Variants in CCDC22 observed in about 807,000 individuals in gnomAD.
CCDC22 encodes CCC complex scaffolding subunit CCDC22.
CCDC22 carries 4 observed loss-of-function variants against 53.1 expected under a neutral mutation model. The ratio of observed to expected loss-of-function variants is 0.08; its 90% confidence interval spans 0.04 to 0.17. The LOEUF (loss-of-function observed/expected upper bound fraction) is 0.17. CCDC22 is among the 10% of genes least tolerant of loss of function. The probability of loss-of-function intolerance (pLI) is 1.00; values close to 1 mark genes in which losing one functional copy is unlikely to be tolerated. For missense variants in CCDC22, 458 were observed against 554.0 expected (o/e 0.83, Z 1.74); for synonymous variants, 222 against 224.4 (o/e 0.99, Z 0.10).
chrX:49,249,759 G>A (rs782510838), intron 16 of CCDC22, 34 bp downstream of exon 16: 46 of 1,086,749 alleles, frequency 4.2e-5, no homozygotes, highest in Admixed American at 2.6e-4. Flanking sequence ...GAGCCAAGGC[G>A]GGCCGGGGGG....
intron 1 of CCDC22, 129 bp from the exon 2 acceptor site, chrX:49,236,957 A>T: frequency 2.2e-6 from 1 of 464,444 alleles, no homozygotes; most frequent in Non-Finnish European, 3.5e-6. Flanking sequence ...ACCAACATCC[A>T]GGATCTGTCT....
intron 2 of CCDC22, among the ~76,000 whole-genome samples, chrX:49,241,486 CAAAAAAAAAAA>C (rs386416987): frequency 1.8e-4 from 12 of 66,711 alleles, no homozygotes; most frequent in Non-Finnish European, 2.5e-4. Context: ...GACCCTGTCT[CAAAAAAAAAAA>C]AAAAAAAAAA....
intron 6 of CCDC22, among the ~76,000 whole-genome samples, chrX:49,245,435 C>T (rs961371099): frequency 3.6e-5 from 4 of 111,664 alleles, no homozygotes; most frequent in Non-Finnish European, 5.6e-5. Context: ...TACAGTGGTA[C>T]GATCTCAGCT....
Position 49,248,295 on chromosome X carries a change from C to T in CCDC22, c.1197C>T (p.Asn399=). Residue 399 remains asparagine, a synonymous_variant, in exon 10 of 17, where the codon AAC becomes AAT. Coordinates refer to ENST00000376227, the MANE Select transcript of CCDC22 (RefSeq NM_014008.5). ...AGCTGCTGCCCGATGGGACTGCCAA[C>T]CTTGCCAAGCTGCAGGTGGGGTTGG... ...AVELLPDGTA[N]LAKLQLVVEN... The T allele has an allele frequency of 8.4e-7, 1 of 1,191,353 alleles. No homozygotes were observed. Among genetic ancestry groups the T allele is most frequent in the Non-Finnish European group, 1.1e-6 (1 of 886,920 alleles).
chrX:49,237,799 G>A (rs1328060228), intron 2 of CCDC22, among the ~76,000 whole-genome samples: 10 of 96,040 alleles, frequency 1.0e-4, no homozygotes, highest in Non-Finnish European at 2.0e-4. Context: ...TCACTTTGTC[G>A]CCCAAGCTGG....
intron 2 of CCDC22, among the ~76,000 whole-genome samples, chrX:49,240,670 C>T (rs1338343247): frequency 5.4e-5 from 6 of 111,967 alleles, no homozygotes; most frequent in Admixed American, 2.9e-4. Context: ...GTAGCCCCCC[C>T]GCAACTCAGC....
chrX:49,248,102 T>TA, intron 9 of CCDC22, 89 bp from the exon 10 acceptor site: 3 of 1,188,566 alleles, frequency 2.5e-6, no homozygotes, highest in Non-Finnish European at 3.4e-6. Flanking sequence ...GTGGAGCTGT[T>TA]AGAGAGGCCT....
At chrX:49,237,467 A>G (rs1036499546) in intron 2 of CCDC22, among the ~76,000 whole-genome samples, 3 of 112,193 alleles carry the variant, frequency 2.7e-5, no homozygotes, top group Non-Finnish European at 5.6e-5. Context: ...TGAGTAGTTT[A>G]GATCCTAGCC....
In CCDC22 at chrX:49,235,751, T is replaced by C. The variant is rs1294867784; in HGVS notation, c.50+65T>C. 4.0e-6 allele frequency: 4 copies of C among 1,007,499 alleles called. No homozygotes were observed. In the African/African-American group the frequency reaches 7.9e-5, roughly 20 times the overall value. The allele number at this position is 1,007,499 out of a possible 1,213,427, so 83.0% of individuals were successfully genotyped here. A position where few individuals can be genotyped will look rare whatever the true frequency, so the allele number is the denominator to read the frequency against. ...CGGGACTCTAAAGCCCAGGACCCCGTTTCCCGGGAACCTTAAAACCCGGGA... is the reference window on the plus strand; with the variant it reads ...CGGGACTCTAAAGCCCAGGACCCCGCTTCCCGGGAACCTTAAAACCCGGGA... On this transcript the variant is annotated intron_variant, in intron 1 of 16. Transcript: ENST00000376227.
At chrX:49,250,109 CTG>C in intron 16 of CCDC22, 37 bp from the exon 17 acceptor site, 1 of 837,931 alleles carries the variant, frequency 1.2e-6, no homozygotes, top group African/African-American at 2.0e-5. Flanking sequence ...GGGAAAGGGG[CTG>C]TGTGTGCTGA....
In CCDC22 at chrX:49,249,186, A is replaced by G. The variant is rs2066009584; in HGVS notation, c.1559A>G (p.Glu520Gly). 7 of 1,209,539 alleles carry G rather than the reference A, an allele frequency of 5.8e-6. No homozygotes were observed. The highest frequency in any genetic ancestry group is 7.8e-6 in the Non-Finnish European group (7 of 893,519). Reference protein sequence around the residue: ...EITKILSDTKELQKEINSLSG... With the variant: ...EITKILSDTKGLQKEINSLSG... ...TGCCAGATCTTGTCTGATACGAAGG[A>G]GCTTCAGAAGGAAATCAACTCCCTA... Residue 520 changes from glutamate to glycine, a missense_variant, in exon 14 of 17, where the codon GAG (glutamate) becomes GGG (glycine). By Grantham distance (98) the Glu-to-Gly change is moderately conservative. This residue lies in a region of CCDC22 where 48 missense variants were observed against 83.4 expected (regional missense o/e 0.58). Coordinates refer to ENST00000376227, the MANE Select transcript of CCDC22 (RefSeq NM_014008.5).
intron 2 of CCDC22, among the ~76,000 whole-genome samples, chrX:49,238,206 G>A (rs917611738): frequency 9.3e-6 from 1 of 107,425 alleles, no homozygotes; most frequent in Non-Finnish European, 1.9e-5. Flanking sequence ...TCAGCCTCCC[G>A]AGTAGCTGGG....
intron 2 of CCDC22, among the ~76,000 whole-genome samples, chrX:49,240,899 T>G (rs1364873785): frequency 8.9e-6 from 1 of 112,391 alleles, no homozygotes; most frequent in African/African-American, 3.2e-5. Context: ...AATAAATATA[T>G]CTTGCATTGT....
chrX:49,235,669 G>A lies in CCDC22; in HGVS notation c.33G>A (p.Ser11=), dbSNP rs377350514. The A allele has an allele frequency of 3.5e-5, 41 of 1,183,314 alleles. No individual in the cohort carries two copies. In the African/African-American group the frequency reaches 6.8e-4, roughly 20 times the overall value. The change falls in exon 1 of 17, where the codon TCG becomes TCA. Residue 11 remains serine (S), a synonymous_variant. Coordinates refer to ENST00000376227, the MANE Select transcript of CCDC22 (RefSeq NM_014008.5). MEEADRILIH[S]LRQAGTAVPP... is the part of the protein sequence containing the mutation. ...AGGCGGACCGAATCCTCATCCATTC[G>A]CTGCGCCAGGCCGGCACGTAAGGAC...
chrX:49,249,198 A>G lies in CCDC22; in HGVS notation c.1571A>G (p.Glu524Gly). 8.3e-7 allele frequency: 1 copy of G among 1,210,802 alleles called. No homozygotes were observed. Among genetic ancestry groups the G allele is most frequent in the Non-Finnish European group, 1.1e-6 (1 of 894,524 alleles). The stretch of plus-strand genomic sequence containing the variant: ...TCTGATACGAAGGAGCTTCAGAAGG[A>G]AATCAACTCCCTATCTGGGAAGCTG... ...ILSDTKELQK[E>G]INSLSGKLDR... is the part of the protein sequence containing the mutation. Residue 524 changes from glutamate (E) to glycine (G), a missense_variant, in exon 14 of 17, where the codon GAA becomes GGA. Transcript: ENST00000376227.
Position 49,247,705 on chromosome X carries a change from A to C in CCDC22, c.1029A>C (p.Gly343=). The C allele has an allele frequency of 8.3e-7, 1 of 1,207,985 alleles. No homozygotes were observed. Among genetic ancestry groups the C allele is most frequent in the Non-Finnish European group, 1.1e-6 (1 of 893,550 alleles). The change falls in exon 9 of 17, where the codon GGA becomes GGC. Residue 343 remains glycine, a synonymous_variant. Transcript: ENST00000376227. The part of the protein sequence containing the change: ...ELESLREQLE[G]VNRSIEEVEA... ...AGTCCCTTCGGGAGCAGCTGGAAGG[A>C]GTGAACCGCAGCATTGAGGAGGTTG...
rs782474626 is a variant in CCDC22, at chrX:49,237,179, G to A, written c.144G>A (p.Ala48=). 19 of 1,210,667 alleles carry A rather than the reference G, an allele frequency of 1.6e-5. No homozygotes were observed. The highest frequency in any genetic ancestry group is 6.5e-5 in the Admixed American group (3 of 45,950). The part of the protein sequence containing the change: ...VVRCLRVINP[A]VGSGLSPLLP... Reference sequence around the variant, plus strand: ...GCTGCCTGCGTGTGATCAACCCTGCGGTGGGCTCTGGCCTCAGCCCTCTGC... The same window carrying A: ...GCTGCCTGCGTGTGATCAACCCTGCAGTGGGCTCTGGCCTCAGCCCTCTGC... Residue 48 remains alanine (A), a synonymous_variant, in exon 2 of 17, where the codon GCG becomes GCA. Transcript: ENST00000376227.
At chrX:49,246,051 T>C (rs975770867) in intron 6 of CCDC22, among the ~76,000 whole-genome samples, 4 of 110,416 alleles carry the variant, frequency 3.6e-5, no homozygotes, top group Non-Finnish European at 7.6e-5. Flanking sequence ...AATGGCGTGA[T>C]GTCGCTTCAC....
intron 2 of CCDC22, among the ~76,000 whole-genome samples, chrX:49,238,134 C>T (rs781832652): frequency 1.0e-5 from 1 of 95,553 alleles, no homozygotes; most frequent in South Asian, 5.2e-4. Flanking sequence ...AATGCAGTGG[C>T]GTGATCTCAG....
Sources: gnomAD v4.1 joint callset for allele counts (sites outside exome capture counted in the v4.1 genomes callset) on GRCh38, gnomAD v4.1.1 for gene constraint, gnomAD v4.1.1 regional missense constraint, MANE v1.5 for transcripts, NCBI Gene and HGNC (gene_info 2026-07-23, HGNC 2026-07-21) for gene names.